The following NREP variants were observed in gnomAD, a reference collection of about 807,000 sequenced individuals.
The protein encoded by NREP is neuronal regeneration related protein.
Under a neutral mutation model 8.6 loss-of-function variants are expected in NREP, and 5 were observed. The observed-to-expected ratio is 0.58, with a 90% CI of 0.30 to 1.22. The LOEUF (loss-of-function observed/expected upper bound fraction) is 1.22. Among genes scored for constraint, NREP ranks in the 50% most tolerant of loss-of-function variants. The pLI is 0.07. For missense variants in NREP, 86 were observed against 82.5 expected (o/e 1.04, Z -0.17); for synonymous variants, 27 against 28.0 (o/e 0.96, Z 0.11).
chr5:111,757,670 A>C, upstream of NREP: 5 of 983,158 alleles, frequency 5.1e-6, no homozygotes, highest in Non-Finnish European at 6.0e-6. Context: ...CGCCGTCCCC[A>C]CTGCACCGCG....
chr5:111,787,102 T>C (rs1046216806), intron 2 of NREP, among the ~76,000 whole-genome samples: 2 of 152,124 alleles, frequency 1.3e-5, no homozygotes, highest in Non-Finnish European at 2.9e-5. Flanking sequence ...ACTTAGGAAA[T>C]GTCTCTGTCC....
intron 2 of NREP, among the ~76,000 whole-genome samples, chr5:111,853,898 C>A (rs754473245): frequency 2.6e-5 from 4 of 152,080 alleles, no homozygotes; most frequent in Admixed American, 1.3e-4. Context: ...GCTGCTCTTG[C>A]GCACCATGAT....
At chr5:111,900,694 C>T (rs1754626309) in intron 2 of NREP, among the ~76,000 whole-genome samples, 1 of 151,850 alleles carries the variant, frequency 6.6e-6, no homozygotes, top group Admixed American at 6.6e-5. Flanking sequence ...ATACAAACCA[C>T]CAACATTAAA....
At chr5:111,754,733 G>A (rs1167776669) in intron 2 of NREP, among the ~76,000 whole-genome samples, 5 of 152,076 alleles carry the variant, frequency 3.3e-5, no homozygotes, top group East Asian at 1.9e-4. Context: ...GACAAGTGAC[G>A]CATACATAAA....
intron 2 of NREP, among the ~76,000 whole-genome samples, chr5:111,770,536 G>C (rs1751192211): frequency 7.3e-6 from 1 of 137,090 alleles, no homozygotes; most frequent in African/African-American, 2.7e-5. Flanking sequence ...ATATTATTTG[G>C]TAAAGAAGAA....
At chr5:111,844,041 G>T (rs1029701947) in intron 2 of NREP, among the ~76,000 whole-genome samples, 2 of 152,088 alleles carry the variant, frequency 1.3e-5, no homozygotes, top group Non-Finnish European at 2.9e-5. Flanking sequence ...ACAAGTATAG[G>T]TATAATAGAA....
intron 2 of NREP, among the ~76,000 whole-genome samples, chr5:111,943,816 G>T (rs768462411): frequency 6.6e-6 from 1 of 152,010 alleles, no homozygotes; most frequent in Admixed American, 6.6e-5. Context: ...GGATTTTTCC[G>T]ATTAGCTCTT....
At chr5:111,839,437 C>T (rs1013590485) in intron 2 of NREP, among the ~76,000 whole-genome samples, 2 of 152,078 alleles carry the variant, frequency 1.3e-5, no homozygotes, top group Non-Finnish European at 2.9e-5. Context: ...ACTCTGAAAT[C>T]AGCTATTAAA....
At chr5:111,883,469 A>G (rs1035743676) in intron 2 of NREP, among the ~76,000 whole-genome samples, 8 of 152,192 alleles carry the variant, frequency 5.3e-5, no homozygotes, top group African/African-American at 9.7e-5. Context: ...TGCACCAAGC[A>G]GACCTAATAG....
intron 2 of NREP, among the ~76,000 whole-genome samples, chr5:111,876,585 C>T (rs560964210): frequency 2.0e-5 from 3 of 152,162 alleles, no homozygotes; most frequent in African/African-American, 7.2e-5. Flanking sequence ...TTCAACTTCA[C>T]AAAACAAAAC....
At chr5:111,938,837 A>G (rs1042699830) in intron 2 of NREP, among the ~76,000 whole-genome samples, 1 of 152,086 alleles carries the variant, frequency 6.6e-6, no homozygotes, top group African/African-American at 2.4e-5. Flanking sequence ...GAACTCTAAC[A>G]ACACTCTCAA....
At chr5:111,886,764 C>A (rs182402093) in intron 2 of NREP, among the ~76,000 whole-genome samples, 41 of 150,366 alleles carry the variant, frequency 2.7e-4, no homozygotes, top group Middle Eastern at 3.4e-3. Flanking sequence ...TAGGTGGGAA[C>A]TGAACAATGA....
Position 111,969,653 on chromosome 5 carries a change from A to C in NREP, c.135+5621T>G, listed in dbSNP as rs531050955. On this transcript the variant is annotated intron_variant, in intron 2 of 3. Coordinates refer to the NREP transcript ENST00000395634. The stretch of plus-strand genomic sequence containing the variant: ...TGTACAATGGGTAAAATAAAAGAGG[A>C]GATAAATTTGGGTTTTCTTTCTAGC... 2.0e-5 allele frequency: 3 copies of C among 152,328 alleles called. No homozygotes were observed. The East Asian group carries it at 5.8e-4, about 29-fold the overall frequency. The allele number at this position is 152,328 out of a possible 1,614,324, so 9.4% of individuals were successfully genotyped here. A position where few individuals can be genotyped will look rare whatever the true frequency, so the allele number is the denominator to read the frequency against.
rs553608403 is a variant in NREP, at chr5:111,789,643, A to G, written c.136-54136T>C. On this transcript the variant is annotated intron_variant, in intron 2 of 3. Coordinates refer to the NREP transcript ENST00000395634. ...CCATGGGTAAAGCATATAGACCCCC[A>G]TGGTTGCTCTCATTGTACTTTCAGT... 1.1e-4 allele frequency among the ~76,000 whole-genome samples: 16 copies of G among 152,246 alleles called. No individual in the cohort carries two copies. In the South Asian group the frequency reaches 3.3e-3, roughly 32 times the overall value.
intron 2 of NREP, among the ~76,000 whole-genome samples, chr5:111,950,939 C>T (rs895634211): frequency 2.6e-5 from 4 of 152,036 alleles, no homozygotes; most frequent in African/African-American, 9.7e-5. Context: ...CTTCAAAGTG[C>T]AATTGACGTC....
chr5:111,778,270 A>G (rs982666390), intron 2 of NREP, among the ~76,000 whole-genome samples: 5 of 152,192 alleles, frequency 3.3e-5, no homozygotes, highest in African/African-American at 1.2e-4. Flanking sequence ...TACTGCTACA[A>G]GTGGTCTGAG....
At chr5:111,878,814 G>A (rs1753975235) in intron 2 of NREP, among the ~76,000 whole-genome samples, 1 of 152,122 alleles carries the variant, frequency 6.6e-6, no homozygotes, top group South Asian at 2.1e-4. Flanking sequence ...CCATCTGCAA[G>A]CTTCAGATGC....
intron 2 of NREP, among the ~76,000 whole-genome samples, chr5:111,873,663 T>TTCAGGAC (rs1192150467): frequency 1.3e-5 from 2 of 152,204 alleles, no homozygotes; most frequent in African/African-American, 2.4e-5. Flanking sequence ...TGTTCCATTA[T>TTCAGGAC]TCAGGACTCA....
intron 2 of NREP, among the ~76,000 whole-genome samples, chr5:111,873,783 T>A (rs1374790180): frequency 6.6e-6 from 1 of 152,166 alleles, no homozygotes; most frequent in Non-Finnish European, 1.5e-5. Flanking sequence ...TATTCACAGG[T>A]TCAAGATGTT....
Sources: allele counts gnomAD v4.1 joint callset (sites outside exome capture counted in the v4.1 genomes callset), GRCh38; gene constraint gnomAD v4.1.1; transcripts MANE v1.5; gene names NCBI Gene and HGNC (gene_info 2026-07-23, HGNC 2026-07-21).